Variants in CMSS1 observed in about 807,000 individuals in gnomAD.
CMSS1 encodes the protein cms1 ribosomal small subunit homolog.
Under a neutral mutation model 43.5 loss-of-function variants are expected in CMSS1, and 33 were observed. The observed-to-expected ratio is 0.76, with a 90% CI of 0.57 to 1.01. CMSS1 has a LOEUF of 1.01. Ranked by LOEUF, CMSS1 falls within the 50% of genes least tolerant of loss-of-function variation. The pLI is 0.00. For missense variants in CMSS1, 313 were observed against 326.4 expected (o/e 0.96, Z 0.32); for synonymous variants, 115 against 117.2 (o/e 0.98, Z 0.12).
In CMSS1 at chr3:100,172,390, A is replaced by C. The variant is rs747688562; in HGVS notation, c.654A>C (p.Glu218Asp). ...TAGGAACTCCGGGGAGAATTAAAGA[A>C]CTTGTTAAACAAGGTATGACAAGAG... ...LGVGTPGRIK[E>D]LVKQGGLNLS... is the part of the protein sequence containing the mutation. Residue 218 changes from glutamate (E) to aspartate (D), a missense_variant, in exon 8 of 10, where the codon GAA (glutamate) becomes GAC (aspartate). By Grantham distance (45) the Glu-to-Asp change is conservative. Transcript: ENST00000421999. The C allele has an allele frequency of 5.8e-5, 93 of 1,613,514 alleles. 1 individual carries two copies. In the South Asian group the frequency reaches 9.8e-4, roughly 17 times the overall value.
intron 1 of CMSS1, among the ~76,000 whole-genome samples, chr3:99,828,597 T>C (rs1281118602): frequency 6.6e-6 from 1 of 151,248 alleles, no homozygotes; most frequent in East Asian, 1.9e-4. Context: ...ACTACAGGTG[T>C]GCACCACCAC....
chr3:99,933,203 A>G lies in CMSS1; in HGVS notation c.64+115160A>G, dbSNP rs578077597. Among the ~76,000 whole-genome samples, 282 of 152,340 alleles carry G rather than the reference A, an allele frequency of 1.9e-3. 1 individual carries two copies. Among genetic ancestry groups the G allele is most frequent in the African/African-American group, 6.5e-3 (271 of 41,570 alleles). On this transcript the variant is annotated intron_variant, in intron 1 of 9. Coordinates refer to ENST00000421999, the MANE Select transcript of CMSS1 (RefSeq NM_032359.4). ...GTCATTATGCTGTATTGCCTAAGAC[A>G]AATGCATATATACACTGGTACAAAT...
chr3:100,105,838 C>CAAGTAGTTTTTTGAAAGGAGTTGT, intron 1 of CMSS1, among the ~76,000 whole-genome samples: 1 of 152,128 alleles, frequency 6.6e-6, no homozygotes, highest in African/African-American at 2.4e-5. Flanking sequence ...TCCTGGGATG[C>CAAGTAGTTTTTTGAAAGGAGTTGT]AAGTAGTTTT....
At chr3:100,003,887 TAAAG>T (rs1438084288) in intron 1 of CMSS1, among the ~76,000 whole-genome samples, 2 of 152,196 alleles carry the variant, frequency 1.3e-5, no homozygotes, top group African/African-American at 2.4e-5. Flanking sequence ...CAAATGAATA[TAAAG>T]AGAGAAGGCA....
chr3:99,940,633 C>T (rs1410355304), intron 1 of CMSS1, among the ~76,000 whole-genome samples: 1 of 152,184 alleles, frequency 6.6e-6, no homozygotes, highest in Non-Finnish European at 1.5e-5. Flanking sequence ...ACCCCTGTTT[C>T]CTCCAGCTCT....
chr3:99,848,755 G>A lies in CMSS1; in HGVS notation c.64+30712G>A, dbSNP rs1442590252. 4.3e-6 allele frequency: 7 copies of A among 1,614,058 alleles called. No homozygotes were observed. The highest frequency in any genetic ancestry group is 5.1e-6 in the Non-Finnish European group (6 of 1,180,030). ...GGCAAAGGTTGCCATGGTAATTGGG[G>A]ACATGCCTTGTTCTAAATTCATGAG... On this transcript the variant is annotated intron_variant, in intron 1 of 9. Transcript: ENST00000421999.
At chr3:99,901,842 A>AT (rs1440660468) in intron 1 of CMSS1, among the ~76,000 whole-genome samples, 1 of 152,118 alleles carries the variant, frequency 6.6e-6, no homozygotes, top group Admixed American at 6.5e-5. Flanking sequence ...ACACATTTTT[A>AT]AGATTTATAC....
intron 1 of CMSS1, among the ~76,000 whole-genome samples, chr3:100,072,176 TA>T (rs2065773954): frequency 6.6e-6 from 1 of 152,248 alleles, no homozygotes; most frequent in Non-Finnish European, 1.5e-5. Flanking sequence ...ACTAAAGGTC[TA>T]CTGATCTTGG....
chr3:100,134,270 G>A (rs2066732586), intron 1 of CMSS1, among the ~76,000 whole-genome samples: 1 of 152,070 alleles, frequency 6.6e-6, no homozygotes, highest in Non-Finnish European at 1.5e-5. Flanking sequence ...AGGGTATATA[G>A]CATTCTTAAC....
intron 2 of CMSS1, among the ~76,000 whole-genome samples, chr3:100,153,704 C>T (rs2066943528): frequency 6.6e-6 from 1 of 152,126 alleles, no homozygotes; most frequent in Admixed American, 6.6e-5. Context: ...AATATAGTGG[C>T]ATTGGGGGTT....
chr3:100,053,174 C>A (rs370221603), intron 1 of CMSS1, among the ~76,000 whole-genome samples: 1 of 152,254 alleles, frequency 6.6e-6, no homozygotes. Flanking sequence ...CCATAGCAAG[C>A]CTTCTGCCCC....
intron 1 of CMSS1, among the ~76,000 whole-genome samples, chr3:100,001,726 T>G (rs1246303295): frequency 6.6e-6 from 1 of 152,288 alleles, no homozygotes; most frequent in East Asian, 1.9e-4. Context: ...GCCAAGGTTT[T>G]CAAAATACCT....
At chr3:100,015,110 T>A (rs1054584345) in intron 1 of CMSS1, among the ~76,000 whole-genome samples, 2 of 151,982 alleles carry the variant, frequency 1.3e-5, no homozygotes, top group Non-Finnish European at 2.9e-5. Flanking sequence ...CTTCCTCATG[T>A]AGATATCCAG....
intron 1 of CMSS1, among the ~76,000 whole-genome samples, chr3:99,992,986 G>A (rs370852036): frequency 2.6e-5 from 4 of 151,956 alleles, no homozygotes; most frequent in Non-Finnish European, 2.9e-5. Context: ...GTATGCGGCC[G>A]TATTTCTGGG....
chr3:100,096,187 T>C (rs760206228), intron 1 of CMSS1, among the ~76,000 whole-genome samples: 15 of 152,152 alleles, frequency 9.9e-5, no homozygotes, highest in Non-Finnish European at 1.5e-5. Flanking sequence ...ACAACCACTG[T>C]GGACAACAGT....
chr3:100,002,359 C>A (rs1559721213), intron 1 of CMSS1, among the ~76,000 whole-genome samples: 1 of 152,078 alleles, frequency 6.6e-6, no homozygotes, highest in Non-Finnish European at 1.5e-5. Flanking sequence ...ACATTATATC[C>A]CCTGATACAC....
chr3:99,890,410 A>G (rs1706046436), intron 1 of CMSS1, among the ~76,000 whole-genome samples: 1 of 152,096 alleles, frequency 6.6e-6, no homozygotes, highest in Non-Finnish European at 1.5e-5. Flanking sequence ...CAGTTCTAGA[A>G]AATTCTTAGT....
intron 1 of CMSS1, among the ~76,000 whole-genome samples, chr3:99,919,926 T>C (rs532374850): frequency 2.0e-5 from 3 of 152,356 alleles, no homozygotes; most frequent in Admixed American, 2.0e-4. Flanking sequence ...ACCACTGTTC[T>C]ATCTAGTCAA....
rs930659694 is a variant in CMSS1 at position 100,128,243 on chromosome 3, T to C, written c.65-18730T>C. On this transcript the variant is annotated intron_variant, in intron 1 of 9. Transcript: ENST00000421999. ...CTACCCTTCAACATCCTCTTGAGAC[T>C]TGCCTCTTTCTTGCCTTTCCTAAAA... Among the ~76,000 whole-genome samples the C allele has an allele frequency of 2.0e-4, 31 of 152,230 alleles. 1 individual carries two copies.
Sources: allele counts gnomAD v4.1 joint callset (sites outside exome capture counted in the v4.1 genomes callset), GRCh38; gene constraint gnomAD v4.1.1; transcripts MANE v1.5; gene names NCBI Gene and HGNC (gene_info 2026-07-23, HGNC 2026-07-21).